GALNTL6: variants seen among roughly 807,000 people sequenced by gnomAD.
GALNTL6 encodes polypeptide N-acetylgalactosaminyltransferase like 6.
A neutral mutation model predicts 73.7 loss-of-function variants in GALNTL6; 46 were observed. The observed-to-expected ratio is 0.62, with a 90% CI of 0.49 to 0.80. The LOEUF (loss-of-function observed/expected upper bound fraction) is 0.80, where lower values mean the gene tolerates loss of function less well. Among genes scored for constraint, GALNTL6 ranks in the 30% least tolerant of loss-of-function variants. GALNTL6 has a pLI of 0.00. For missense variants in GALNTL6, 604 were observed against 755.0 expected (o/e 0.80, Z 2.34); for synonymous variants, 259 against 263.7 (o/e 0.98, Z 0.17).
chr4:172,886,968 G>T (rs565444093), intron 8 of GALNTL6, among the ~76,000 whole-genome samples: 50 of 152,224 alleles, frequency 3.3e-4, no homozygotes, highest in Admixed American at 1.1e-3. Flanking sequence ...TAGTTCTTTA[G>T]CCATTGACCC....
At chr4:172,428,939 T>C (rs1561078823) in intron 5 of GALNTL6, among the ~76,000 whole-genome samples, 2 of 152,032 alleles carry the variant, frequency 1.3e-5, no homozygotes, top group African/African-American at 2.4e-5. Context: ...AAAACAGAAA[T>C]TTATTTCTCA....
intron 2 of GALNTL6, among the ~76,000 whole-genome samples, chr4:172,038,749 G>C (rs1293979817): frequency 6.6e-6 from 1 of 152,112 alleles, no homozygotes; most frequent in Non-Finnish European, 1.5e-5. Flanking sequence ...ATGAATCCAT[G>C]TGATATATTT....
At chr4:172,484,592 T>C (rs1304155844) in intron 5 of GALNTL6, among the ~76,000 whole-genome samples, 1 of 152,200 alleles carries the variant, frequency 6.6e-6, no homozygotes. Flanking sequence ...AGAAGGTGAC[T>C]CAGCATTGAT....
At chr4:172,811,119 C>A (rs1741275640) in intron 6 of GALNTL6, among the ~76,000 whole-genome samples, 1 of 152,188 alleles carries the variant, frequency 6.6e-6, no homozygotes, top group South Asian at 2.1e-4. Flanking sequence ...AGTGTCTTGA[C>A]ACATCATCCA....
chr4:172,332,739 T>A (rs1741175879), intron 4 of GALNTL6, among the ~76,000 whole-genome samples: 1 of 152,210 alleles, frequency 6.6e-6, no homozygotes, highest in Admixed American at 6.5e-5. Context: ...ATATTTGCTA[T>A]TGTAAATAGT....
chr4:171,949,342 C>T (rs1264380844), intron 2 of GALNTL6, among the ~76,000 whole-genome samples: 1 of 152,164 alleles, frequency 6.6e-6, no homozygotes. Flanking sequence ...CAAGTACTCA[C>T]TTTAGAAATT....
At position 172,852,615 on chromosome 4, in the gene GALNTL6, A is replaced by T. The variant is rs1743895417; in HGVS notation, c.924-30175A>T. 3.9e-5 allele frequency among the ~76,000 whole-genome samples: 6 copies of T among 152,116 alleles called. 1 individual carries two copies. The South Asian group carries it at 1.3e-3, about 32-fold the overall frequency. On this transcript the variant is annotated intron_variant, in intron 7 of 12. Coordinates refer to ENST00000506823, the MANE Select transcript of GALNTL6 (RefSeq NM_001034845.3). ...GTTTATTCGGGGTAAGGGAGATTTG[A>T]CAATGAGAAGTCAGTGGATCATAGA... is the stretch of plus-strand genomic sequence containing the variant.
chr4:172,794,244 G>C (rs929809258), intron 5 of GALNTL6, among the ~76,000 whole-genome samples: 1 of 152,082 alleles, frequency 6.6e-6, no homozygotes, highest in African/African-American at 2.4e-5. Flanking sequence ...TCTAAAATTT[G>C]GGGGAGCTCT....
chr4:173,027,062 C>T (rs1370834107), intron 12 of GALNTL6, among the ~76,000 whole-genome samples: 2 of 152,008 alleles, frequency 1.3e-5, no homozygotes, highest in African/African-American at 4.8e-5. Flanking sequence ...ATCTTGGCTC[C>T]CAGCAATCTC....
At chr4:172,434,248 C>T (rs28550345) in intron 5 of GALNTL6, among the ~76,000 whole-genome samples, 2,411 of 152,020 alleles carry the variant, frequency 0.016, 64 homozygotes, top group African/African-American at 0.055. Flanking sequence ...TTATACAAGA[C>T]ATATTTGGAT....
intron 2 of GALNTL6, among the ~76,000 whole-genome samples, chr4:172,142,723 GAATTCTAGA>G (rs1733832724): frequency 6.6e-6 from 1 of 151,552 alleles, no homozygotes. Context: ...AGAATTTCTA[GAATTCTAGA>G]AATTCTAAGG....
rs193277293 is a variant in GALNTL6, at chr4:172,262,603, C to A, written c.247+32839C>A. Among the ~76,000 whole-genome samples, 3 of 151,630 alleles carry A rather than the reference C, an allele frequency of 2.0e-5. No individual in the cohort carries two copies. In the East Asian group the frequency reaches 5.8e-4, roughly 29 times the overall value. ...GCCATTCTGTATCTTTTAAATGGAG[C>A]ATTTAGGCCATTTACCTTCAGTGTT... On this transcript the variant is annotated intron_variant, in intron 3 of 12. Coordinates refer to ENST00000506823, the MANE Select transcript of GALNTL6 (RefSeq NM_001034845.3).
At chr4:172,481,872 C>T (rs1733494607) in intron 5 of GALNTL6, among the ~76,000 whole-genome samples, 1 of 152,230 alleles carries the variant, frequency 6.6e-6, no homozygotes, top group African/African-American at 2.4e-5. Flanking sequence ...CCTGCCAGTC[C>T]AACACAGTAC....
chr4:172,993,814 C>T (rs1751649453), intron 10 of GALNTL6, among the ~76,000 whole-genome samples: 1 of 152,102 alleles, frequency 6.6e-6, no homozygotes, highest in South Asian at 2.1e-4. Flanking sequence ...CCCAGCTACT[C>T]GGGAGGCTGA....
intron 2 of GALNTL6, among the ~76,000 whole-genome samples, chr4:172,073,936 T>A (rs1731629312): frequency 6.6e-6 from 1 of 152,222 alleles, no homozygotes; most frequent in Admixed American, 6.5e-5. Context: ...GTGAGAGCAC[T>A]GATCTTGACA....
At chr4:172,046,618 T>G (rs908819086) in intron 2 of GALNTL6, among the ~76,000 whole-genome samples, 1 of 152,180 alleles carries the variant, frequency 6.6e-6, no homozygotes, top group African/African-American at 2.4e-5. Flanking sequence ...TTTCAAATGA[T>G]CAACCATGTT....
At chr4:172,337,217 T>A (rs1271307395) in intron 4 of GALNTL6, among the ~76,000 whole-genome samples, 2 of 152,138 alleles carry the variant, frequency 1.3e-5, no homozygotes, top group South Asian at 2.1e-4. Context: ...TTTTTTTTTT[T>A]AATCCAGCTT....
At chr4:172,668,519 T>C (rs973358895) in intron 5 of GALNTL6, 7 of 152,142 alleles carry the variant, frequency 4.6e-5, no homozygotes, top group Non-Finnish European at 1.0e-4. Flanking sequence ...ATCACAGTCC[T>C]TTCATAATTA....
chr4:172,989,840 C>A (rs1751463814), intron 10 of GALNTL6, among the ~76,000 whole-genome samples: 1 of 152,142 alleles, frequency 6.6e-6, no homozygotes, highest in African/African-American at 2.4e-5. Flanking sequence ...TATAGCAGTG[C>A]AAGAATGGAC....
Sources: allele counts gnomAD v4.1 joint callset (sites outside exome capture counted in the v4.1 genomes callset), GRCh38; gene constraint gnomAD v4.1.1; transcripts MANE v1.5; gene names NCBI Gene and HGNC (gene_info 2026-07-23, HGNC 2026-07-21).